Variants in PTPRD observed in about 807,000 individuals in gnomAD.
PTPRD encodes the protein protein tyrosine phosphatase receptor type D.
PTPRD carries 34 observed loss-of-function variants against 214.5 expected under a neutral mutation model. The ratio of observed to expected loss-of-function variants is 0.16; its 90% CI spans 0.12 to 0.21. PTPRD has a LOEUF of 0.21. Ranked by LOEUF, PTPRD falls within the 10% of genes least tolerant of loss-of-function variation. The pLI is 1.00. For synonymous variants in PTPRD, 1,128 were observed against 845.7 expected (o/e 1.33, Z -5.79); for missense variants, 2,545 against 2,398.7 (o/e 1.06, Z -1.27).
At chr9:8,746,561 T>C (rs1012588209) in intron 11 of PTPRD, among the ~76,000 whole-genome samples, 1 of 152,206 alleles carries the variant, frequency 6.6e-6, no homozygotes, top group Non-Finnish European at 1.5e-5. Flanking sequence ...AAAGGGAGTT[T>C]AAAGTCATTA....
intron 2 of PTPRD, among the ~76,000 whole-genome samples, chr9:10,517,797 A>G (rs994370560): frequency 6.6e-6 from 1 of 152,068 alleles, no homozygotes; most frequent in Non-Finnish European, 1.5e-5. Flanking sequence ...TAATAAATAT[A>G]TTTCTCCATT....
intron 5 of PTPRD, among the ~76,000 whole-genome samples, chr9:9,935,670 C>T (rs1310416646): frequency 6.8e-5 from 10 of 147,192 alleles, no homozygotes; most frequent in African/African-American, 2.7e-4. Flanking sequence ...TTTACAGATT[C>T]AATGCCATCC....
chr9:9,216,355 T>C (rs1007079659), intron 9 of PTPRD, among the ~76,000 whole-genome samples: 15 of 152,194 alleles, frequency 9.9e-5, no homozygotes, highest in African/African-American at 3.4e-4. Flanking sequence ...TTCTCCTCTA[T>C]GATATGGAGC....
chr9:8,940,658 C>A (rs1034867119), intron 11 of PTPRD, among the ~76,000 whole-genome samples: 2 of 151,802 alleles, frequency 1.3e-5, no homozygotes, highest in Non-Finnish European at 2.9e-5. Context: ...GGAATTTTAC[C>A]TCCCACCTGG....
At chr9:9,658,174 T>C (rs913401065) in intron 7 of PTPRD, among the ~76,000 whole-genome samples, 4 of 152,176 alleles carry the variant, frequency 2.6e-5, no homozygotes, top group East Asian at 1.9e-4. Context: ...GTTTTCATCA[T>C]TGATATAATC....
chr9:10,306,912 G>A (rs996331154), intron 3 of PTPRD, among the ~76,000 whole-genome samples: 20 of 151,986 alleles, frequency 1.3e-4, no homozygotes, highest in African/African-American at 4.6e-4. Context: ...AAAACCCTAC[G>A]GTAGAAACAC....
chr9:8,441,828 T>C (rs1387214525), intron 34 of PTPRD, among the ~76,000 whole-genome samples: 2 of 152,152 alleles, frequency 1.3e-5, no homozygotes, highest in African/African-American at 4.8e-5. Flanking sequence ...TCAGCAGAAC[T>C]GTAGCTACAT....
chr9:8,531,542 A>G (rs2075692686), intron 14 of PTPRD, among the ~76,000 whole-genome samples: 1 of 152,110 alleles, frequency 6.6e-6, no homozygotes, highest in Non-Finnish European at 1.5e-5. Flanking sequence ...GAGTTTCTGA[A>G]AAAGCTCTTA....
intron 9 of PTPRD, among the ~76,000 whole-genome samples, chr9:9,229,620 A>G (rs1482288736): frequency 6.6e-6 from 1 of 152,162 alleles, no homozygotes; most frequent in Non-Finnish European, 1.5e-5. Context: ...CTCTCAGACC[A>G]AAATTATACA....
chr9:10,229,953 T>C (rs1055143125), intron 3 of PTPRD, among the ~76,000 whole-genome samples: 23 of 152,082 alleles, frequency 1.5e-4, no homozygotes, highest in Admixed American at 1.2e-3. Flanking sequence ...TTATTACATG[T>C]ATAATTAATA....
intron 4 of PTPRD, among the ~76,000 whole-genome samples, chr9:9,972,536 A>G (rs2095164914): frequency 6.6e-6 from 1 of 152,150 alleles, no homozygotes; most frequent in East Asian, 1.9e-4. Flanking sequence ...AGTCCAGGTG[A>G]ATTTGTTTCT....
intron 9 of PTPRD, among the ~76,000 whole-genome samples, chr9:9,274,521 C>T (rs540833878): frequency 3.4e-4 from 52 of 151,238 alleles, no homozygotes; most frequent in African/African-American, 1.2e-3. Flanking sequence ...ATCAGGGGCC[C>T]TTATGGAGCT....
chr9:10,198,786 TATC>T (rs2099407985), intron 3 of PTPRD, among the ~76,000 whole-genome samples: 1 of 152,148 alleles, frequency 6.6e-6, no homozygotes, highest in Non-Finnish European at 1.5e-5. Flanking sequence ...TAATTTATTT[TATC>T]ATATGTTTCT....
At chr9:8,545,419 A>G (rs866320675) in intron 14 of PTPRD, among the ~76,000 whole-genome samples, 24 of 152,228 alleles carry the variant, frequency 1.6e-4, no homozygotes, top group Admixed American at 1.3e-4. Context: ...TCTTCTAAAA[A>G]GCAGATCAAA....
intron 14 of PTPRD, among the ~76,000 whole-genome samples, chr9:8,626,073 G>A (rs1316230357): frequency 6.6e-6 from 1 of 151,616 alleles, no homozygotes; most frequent in African/African-American, 2.4e-5. Flanking sequence ...GCATATCTGT[G>A]CCCTAAATAC....
chr9:9,624,568 A>G (rs1831032), intron 7 of PTPRD, among the ~76,000 whole-genome samples: 49,416 of 151,946 alleles, frequency 0.33, 8,400 homozygotes, highest in Middle Eastern at 0.41. Flanking sequence ...GATTACAGGT[A>G]TGAGCCACTG....
At chr9:9,439,489 T>A (rs2144213023) in intron 8 of PTPRD, among the ~76,000 whole-genome samples, 1 of 152,296 alleles carries the variant, frequency 6.6e-6, no homozygotes, top group Non-Finnish European at 1.5e-5. Flanking sequence ...CTGAACAACC[T>A]GCTGCAAGGA....
intron 11 of PTPRD, among the ~76,000 whole-genome samples, chr9:9,000,371 C>T (rs181062736): frequency 3.3e-5 from 5 of 151,882 alleles, no homozygotes; most frequent in African/African-American, 1.2e-4. Context: ...GGGAGAATTC[C>T]TGGATGAAGA....
chr9:9,149,088 C>A (rs144174494), intron 10 of PTPRD, among the ~76,000 whole-genome samples: 2 of 152,316 alleles, frequency 1.3e-5, no homozygotes, highest in East Asian at 3.9e-4. Flanking sequence ...AAGAGTTCAG[C>A]TTCCGCAGTC....
Sources: gnomAD v4.1 joint callset for allele counts (sites outside exome capture counted in the v4.1 genomes callset) on GRCh38, gnomAD v4.1.1 for gene constraint, MANE v1.5 for transcripts, NCBI Gene and HGNC (gene_info 2026-07-23, HGNC 2026-07-21) for gene names.